GAB1: variants seen among roughly 807,000 people sequenced by gnomAD.
GAB1 encodes the protein GRB2 associated binding protein 1.
A neutral mutation model predicts 66.5 loss-of-function variants in GAB1; 19 were observed. That is an observed-to-expected ratio of 0.29 (90% CI 0.20 to 0.42). GAB1 has a LOEUF of 0.42. Among genes scored for constraint, GAB1 ranks in the 10% least tolerant of loss-of-function variants. The pLI is 1.00. For missense variants in GAB1, 732 were observed against 858.5 expected (o/e 0.85, Z 1.84); for synonymous variants, 294 against 301.4 (o/e 0.98, Z 0.25).
chr4:143,403,612 C>G (rs1027190443), intron 1 of GAB1, among the ~76,000 whole-genome samples: 1 of 152,206 alleles, frequency 6.6e-6, no homozygotes, highest in Non-Finnish European at 1.5e-5. Context: ...GGGTGACACC[C>G]GTAGCCCTCA....
chr4:143,435,126 G>T (rs1246066437), intron 3 of GAB1, among the ~76,000 whole-genome samples: 1 of 151,988 alleles, frequency 6.6e-6, no homozygotes, highest in Non-Finnish European at 1.5e-5. Flanking sequence ...ACTGGGCTAG[G>T]ATCAGACAAA....
intron 1 of GAB1, among the ~76,000 whole-genome samples, chr4:143,392,521 T>G (rs1326809501): frequency 6.6e-6 from 1 of 152,148 alleles, no homozygotes; most frequent in African/African-American, 2.4e-5. Flanking sequence ...CTTCAAAAGT[T>G]TTGAAGTCTT....
intron 1 of GAB1, among the ~76,000 whole-genome samples, chr4:143,393,249 AAAAAG>A (rs1731274068): frequency 6.6e-6 from 1 of 151,820 alleles, no homozygotes; most frequent in Admixed American, 6.5e-5. Context: ...AAAAAGAAAA[AAAAAG>A]AATATGAGAC....
At chr4:143,459,103 G>A (rs1017603020) in intron 6 of GAB1, among the ~76,000 whole-genome samples, 3 of 152,050 alleles carry the variant, frequency 2.0e-5, no homozygotes, top group African/African-American at 7.2e-5. Flanking sequence ...ATCTCATTTA[G>A]TTTATATTCA....
chr4:143,455,102 C>T (rs959282345), intron 6 of GAB1, among the ~76,000 whole-genome samples: 1 of 152,122 alleles, frequency 6.6e-6, no homozygotes, highest in Non-Finnish European at 1.5e-5. Context: ...CTGCTCCTTC[C>T]GTTTCAGTCC....
intron 1 of GAB1, among the ~76,000 whole-genome samples, chr4:143,409,124 G>T (rs1335119994): frequency 6.6e-6 from 1 of 152,208 alleles, no homozygotes; most frequent in Non-Finnish European, 1.5e-5. Flanking sequence ...AAAGGAACAG[G>T]AGCTGATGCC....
intron 2 of GAB1, chr4:143,417,394 T>G: frequency 2.4e-6 from 1 of 420,834 alleles, no homozygotes. Flanking sequence ...CCTCGGGTAC[T>G]TTTTTATTAT....
At chr4:143,412,657 A>G (rs192387056) in intron 1 of GAB1, among the ~76,000 whole-genome samples, 1 of 152,304 alleles carries the variant, frequency 6.6e-6, no homozygotes, top group East Asian at 1.9e-4. Context: ...ATTAGTTTAC[A>G]CTGGAGTTGG....
intron 1 of GAB1, among the ~76,000 whole-genome samples, chr4:143,381,366 C>T (rs1464609900): frequency 6.6e-6 from 1 of 152,154 alleles, no homozygotes; most frequent in Non-Finnish European, 1.5e-5. Flanking sequence ...CTGGGAGTTG[C>T]TATGTCTGCA....
chr4:143,391,640 A>G (rs1192209898), intron 1 of GAB1: 1 of 152,202 alleles, frequency 6.6e-6, no homozygotes, highest in Non-Finnish European at 1.5e-5. Context: ...CAGGTAAAAC[A>G]TTCATCTTGG....
In GAB1 at chr4:143,470,189, T is replaced by G. The variant is rs1266668018; in HGVS notation, c.*1000T>G. 6.6e-6 allele frequency: 1 copy of G among 152,240 alleles called. No individual in the cohort carries two copies. Among genetic ancestry groups the G allele is most frequent in the East Asian group, 1.9e-4 (1 of 5,206 alleles). 9.4% of individuals were successfully genotyped at this position (152,240 alleles called of 1,614,324 possible). A position where few individuals can be genotyped will look rare whatever the true frequency, so the allele number is the denominator to read the frequency against. ...ATAGTAATTCAGATTTATTACTCTA[T>G]GAAATTCTGTCTTTTGACACCATAG... is the stretch of plus-strand genomic sequence containing the variant. On this transcript the variant is annotated 3_prime_UTR_variant, in exon 10 of 10. Coordinates refer to ENST00000262994, the MANE Select transcript of GAB1 (RefSeq NM_002039.4).
chr4:143,372,575 A>G (rs750714557), intron 1 of GAB1, among the ~76,000 whole-genome samples: 3 of 152,244 alleles, frequency 2.0e-5, no homozygotes, highest in Non-Finnish European at 4.4e-5. Context: ...GTCTGAAGTC[A>G]TTCTGAGTCA....
chr4:143,352,523 G>A (rs891077042), intron 1 of GAB1, among the ~76,000 whole-genome samples: 5 of 152,140 alleles, frequency 3.3e-5, no homozygotes, highest in Non-Finnish European at 5.9e-5. Context: ...AAAAAACAAG[G>A]GTCTAGAGCA....
chr4:143,422,735 A>G (rs1391142227), intron 2 of GAB1, among the ~76,000 whole-genome samples: 1 of 152,150 alleles, frequency 6.6e-6, no homozygotes, highest in Non-Finnish European at 1.5e-5. Flanking sequence ...ATGATAATCT[A>G]CTCTTCACTG....
chr4:143,401,796 AT>A (rs1731786608), intron 1 of GAB1, among the ~76,000 whole-genome samples: 1 of 152,252 alleles, frequency 6.6e-6, no homozygotes, highest in Non-Finnish European at 1.5e-5. Context: ...AGATGAGAAT[AT>A]GGAGAAATAG....
intron 9 of GAB1, among the ~76,000 whole-genome samples, chr4:143,467,650 C>T (rs1055644845): frequency 6.6e-6 from 1 of 152,088 alleles, no homozygotes; most frequent in African/African-American, 2.4e-5. Context: ...TTTTGTTGAA[C>T]ATATCTTCTG....
At chr4:143,338,923 T>C (rs1173135990) in intron 1 of GAB1, among the ~76,000 whole-genome samples, 1 of 152,196 alleles carries the variant, frequency 6.6e-6, no homozygotes, top group African/African-American at 2.4e-5. Flanking sequence ...CGCCAGGCAC[T>C]GTATTAGACA....
At chr4:143,457,140 A>G (rs1735231185) in intron 6 of GAB1, among the ~76,000 whole-genome samples, 1 of 152,204 alleles carries the variant, frequency 6.6e-6, no homozygotes. Flanking sequence ...TTGCTTCTCT[A>G]GAAGAGTCTT....
intron 1 of GAB1, among the ~76,000 whole-genome samples, chr4:143,382,783 T>C (rs1042391128): frequency 6.6e-6 from 1 of 152,140 alleles, no homozygotes; most frequent in Non-Finnish European, 1.5e-5. Context: ...TTTTTTTTTT[T>C]CAATGTCTGC....
Sources: allele counts gnomAD v4.1 joint callset (sites outside exome capture counted in the v4.1 genomes callset), GRCh38; gene constraint gnomAD v4.1.1; transcripts MANE v1.5; gene names NCBI Gene and HGNC (gene_info 2026-07-23, HGNC 2026-07-21).